The following CDK19 variants were observed in gnomAD, a reference collection of about 807,000 sequenced individuals.
CDK19 encodes the protein cyclin dependent kinase 19.
A neutral mutation model predicts 68.3 loss-of-function variants in CDK19; 20 were observed. The ratio of observed to expected loss-of-function variants is 0.29; its 90% CI spans 0.21 to 0.43. The LOEUF (loss-of-function observed/expected upper bound fraction) is 0.43, where lower values mean the gene tolerates loss of function less well. Among genes scored for constraint, CDK19 ranks in the 20% least tolerant of loss-of-function variants. CDK19 has a pLI of 1.00. For synonymous variants in CDK19, 221 were observed against 222.8 expected, an observed-to-expected ratio of 0.99 and a Z score of 0.07; for missense variants, 339 against 623.5, an observed-to-expected ratio of 0.54 and a Z score of 4.86.
chr6:110,762,781 T>C (rs1779316045), intron 1 of CDK19, among the ~76,000 whole-genome samples: 1 of 152,204 alleles, frequency 6.6e-6, no homozygotes, highest in Non-Finnish European at 1.5e-5. Context: ...ATATGAGTTT[T>C]TGACAAATAC....
chr6:110,783,538 TGAGGCAGGAGAATCGCATGAACCCA>T (rs1780970179), intron 1 of CDK19, among the ~76,000 whole-genome samples: 1 of 150,902 alleles, frequency 6.6e-6, no homozygotes, highest in African/African-American at 2.4e-5. Flanking sequence ...CTCCAAAGGC[TGAGGCAGGAGAATCGCATGAACCCA>T]GGAGGTGGAG....
intron 1 of CDK19, among the ~76,000 whole-genome samples, chr6:110,799,907 A>C (rs912129439): frequency 6.6e-6 from 1 of 152,202 alleles, no homozygotes; most frequent in Non-Finnish European, 1.5e-5. Flanking sequence ...CTGACCTTGA[A>C]TATTTTCAAC....
intron 1 of CDK19, among the ~76,000 whole-genome samples, chr6:110,754,258 C>T (rs1778682278): frequency 6.6e-6 from 1 of 151,954 alleles, no homozygotes; most frequent in Non-Finnish European, 1.5e-5. Context: ...ATCTCAAACT[C>T]CTGGACTCAA....
intron 5 of CDK19, among the ~76,000 whole-genome samples, chr6:110,635,592 T>A (rs915614012): frequency 3.9e-5 from 6 of 152,004 alleles, no homozygotes; most frequent in African/African-American, 1.4e-4. Context: ...CAGGCTGGAG[T>A]GCAGTGGCAT....
chr6:110,618,563 G>A (rs992625127), intron 12 of CDK19, among the ~76,000 whole-genome samples: 1 of 152,194 alleles, frequency 6.6e-6, no homozygotes, highest in Non-Finnish European at 1.5e-5. Context: ...TTAGGAGCCT[G>A]GACACAGGGT....
At chr6:110,814,731 C>G in intron 1 of CDK19, 1 of 619,130 alleles carries the variant, frequency 1.6e-6, no homozygotes, top group South Asian at 1.5e-5. Context: ...CAACTCGAGT[C>G]CCCCCGCCGT....
At chr6:110,775,759 T>C (rs561199509) in intron 1 of CDK19, among the ~76,000 whole-genome samples, 72 of 152,352 alleles carry the variant, frequency 4.7e-4, no homozygotes, top group African/African-American at 1.7e-3. Flanking sequence ...GAGAGGCATA[T>C]TATCTTCATG....
intron 4 of CDK19, among the ~76,000 whole-genome samples, chr6:110,648,420 T>C (rs544996616): frequency 1.3e-5 from 2 of 152,004 alleles, no homozygotes; most frequent in African/African-American, 4.8e-5. Flanking sequence ...AGCTAGGAAA[T>C]ATAATTTTTC....
intron 3 of CDK19, among the ~76,000 whole-genome samples, chr6:110,669,375 G>T (rs1479740561): frequency 6.6e-6 from 1 of 152,214 alleles, no homozygotes; most frequent in Non-Finnish European, 1.5e-5. Context: ...TACTTGGAAG[G>T]CTGAGGCAGG....
intron 2 of CDK19, among the ~76,000 whole-genome samples, chr6:110,688,931 G>A (rs557522237): frequency 2.0e-5 from 3 of 152,348 alleles, no homozygotes; most frequent in Admixed American, 2.0e-4. Flanking sequence ...GCAGCCATGA[G>A]TGCAGGAGCT....
chr6:110,743,898 T>C (rs981426219), intron 2 of CDK19, among the ~76,000 whole-genome samples: 3 of 151,672 alleles, frequency 2.0e-5, no homozygotes, highest in African/African-American at 7.3e-5. Flanking sequence ...CATAGAAAAA[T>C]AGCCCACCAA....
intron 1 of CDK19, among the ~76,000 whole-genome samples, chr6:110,790,339 A>G (rs2115065896): frequency 6.6e-6 from 1 of 152,280 alleles, no homozygotes; most frequent in South Asian, 2.1e-4. Context: ...ATTCAAGACC[A>G]GCCTGGCCAA....
chr6:110,703,953 T>C (rs1582902870), intron 2 of CDK19, among the ~76,000 whole-genome samples: 1 of 152,288 alleles, frequency 6.6e-6, no homozygotes, highest in African/African-American at 2.4e-5. Context: ...AAAGTTAGAG[T>C]GTTTACCTAT....
intron 2 of CDK19, among the ~76,000 whole-genome samples, chr6:110,730,782 T>C (rs1562240531): frequency 6.6e-6 from 1 of 152,208 alleles, no homozygotes; most frequent in Non-Finnish European, 1.5e-5. Context: ...CTGGGCACAG[T>C]GGCTCACACC....
chr6:110,763,033 A>G (rs575091202), intron 1 of CDK19, among the ~76,000 whole-genome samples: 16 of 152,324 alleles, frequency 1.1e-4, no homozygotes, highest in African/African-American at 3.8e-4. Context: ...TCAACAGGGC[A>G]TTGTAGTACA....
At chr6:110,786,034 A>C (rs992334059) in intron 1 of CDK19, among the ~76,000 whole-genome samples, 1 of 151,738 alleles carries the variant, frequency 6.6e-6, no homozygotes, top group South Asian at 2.1e-4. Flanking sequence ...TTTCTGCCTG[A>C]CTTTTTTGCT....
intron 4 of CDK19, among the ~76,000 whole-genome samples, chr6:110,655,090 G>A (rs1412650745): frequency 2.6e-5 from 4 of 152,090 alleles, no homozygotes; most frequent in South Asian, 2.1e-4. Context: ...TCGATAGGCC[G>A]GGCACGGTAG....
intron 4 of CDK19, among the ~76,000 whole-genome samples, chr6:110,642,509 G>C (rs1178146566): frequency 6.6e-6 from 1 of 151,972 alleles, no homozygotes. Flanking sequence ...AGAAGAGAAA[G>C]GCAATAAATA....
At chr6:110,799,402 A>G (rs1036733841) in intron 1 of CDK19, among the ~76,000 whole-genome samples, 1 of 152,056 alleles carries the variant, frequency 6.6e-6, no homozygotes, top group Non-Finnish European at 1.5e-5. Flanking sequence ...GGTTGGTTTC[A>G]GTTCCTTCCA....
Sources: gnomAD v4.1 joint callset for allele counts (sites outside exome capture counted in the v4.1 genomes callset) on GRCh38, gnomAD v4.1.1 for gene constraint, MANE v1.5 for transcripts, NCBI Gene and HGNC (gene_info 2026-07-23, HGNC 2026-07-21) for gene names.